Variants in PPP4R1 observed in about 807,000 individuals in gnomAD.
The protein encoded by PPP4R1 is serine/threonine-protein phosphatase 4 regulatory subunit 1.
In PPP4R1, 42 loss-of-function variants were observed where a neutral mutation model predicts 111.2. The ratio of observed to expected loss-of-function variants is 0.38; its 90% CI spans 0.29 to 0.49. The LOEUF (loss-of-function observed/expected upper bound fraction) is 0.49, where lower values mean the gene tolerates loss of function less well. Among genes scored for constraint, PPP4R1 ranks in the 20% least tolerant of loss-of-function variants. PPP4R1 has a pLI of 0.97. For synonymous variants in PPP4R1, 409 were observed against 405.5 expected (o/e 1.01, Z -0.10); for missense variants, 1,012 against 1,161.6 (o/e 0.87, Z 1.87).
chr18:9,558,699 G>GCTT (rs10686779), intron 14 of PPP4R1, among the ~76,000 whole-genome samples: 68,922 of 147,816 alleles, frequency 0.47, 16,317 homozygotes, highest in East Asian at 0.56. Flanking sequence ...TAATCAGACT[G>GCTT]TTTTTTTTTT....
chr18:9,610,084 G>C (rs2067551704), intron 2 of PPP4R1, among the ~76,000 whole-genome samples: 1 of 152,184 alleles, frequency 6.6e-6, no homozygotes, highest in African/African-American at 2.4e-5. Flanking sequence ...AAAAGCTTAA[G>C]TTCTAATGAA....
intron 12 of PPP4R1, 60 bp from the exon 13 acceptor site, chr18:9,562,135 A>G (rs1435091113): frequency 2.3e-6 from 3 of 1,298,098 alleles, no homozygotes; most frequent in African/African-American, 1.5e-5. Context: ...CATTTAAGCT[A>G]TCTTACTAAG....
rs565004444 is a variant in PPP4R1, at chr18:9,588,145, G to C, written c.529C>G (p.Leu177Val). The C allele has an allele frequency of 6.8e-6, 11 of 1,614,132 alleles. No individual in the cohort carries two copies. In the South Asian group the frequency reaches 1.1e-4, roughly 16 times the overall value. Residue 177 changes from leucine (L) to valine (V), a missense_variant, in exon 6 of 20, where the codon CTC (leucine) becomes GTC (valine). By Grantham distance (32) the Leu-to-Val change is conservative (BLOSUM62 1). Around this residue, in one of 2 missense-constraint regions of PPP4R1, gnomAD observed 707 missense variants for 742.1 expected, o/e 0.95. Coordinates refer to ENST00000400556, the MANE Select transcript of PPP4R1 (RefSeq NM_001042388.3). ...CTATCTGGGGCTGTCAGCTCTATGA[G>C]GACAGGGCACACTTTGGTCTCCACA... The part of the protein sequence containing the change: ...FDVETKVCPV[L>V]IELTAPDSND...
Position 9,583,292 on chromosome 18 carries a change from G to C in PPP4R1, c.760-17C>G. The C allele has an allele frequency of 1.3e-6, 2 of 1,528,770 alleles. No individual in the cohort carries two copies. Among genetic ancestry groups the C allele is most frequent in the Non-Finnish European group, 1.8e-6 (2 of 1,126,468 alleles). 94.7% of individuals were successfully genotyped at this position (1,528,770 alleles called of 1,614,324 possible). On this transcript the variant is annotated splice_polypyrimidine_tract_variant and intron_variant, in intron 8 of 19. Coordinates refer to ENST00000400556, the MANE Select transcript of PPP4R1 (RefSeq NM_001042388.3). ...TCTGGGCAGCTATGTGAAAAGGAAA[G>C]AGTCTTGTTAGTTGGATAAAGATAG...
At position 9,557,338 on chromosome 18, in the gene PPP4R1, T is replaced by A; in HGVS notation, c.2073A>T (p.Ala691=). 1 of 1,608,890 alleles carries A rather than the reference T, an allele frequency of 6.2e-7. No individual in the cohort carries two copies. Among genetic ancestry groups the A allele is most frequent in the Non-Finnish European group, 8.5e-7 (1 of 1,178,758 alleles). The change falls in exon 15 of 20, where the codon GCA becomes GCT. Residue 691 remains alanine (A), a synonymous_variant. Coordinates refer to ENST00000400556, the MANE Select transcript of PPP4R1 (RefSeq NM_001042388.3). Reference sequence around the variant, plus strand: ...CTGTCAATTGATCTCCAAGAATAACTGCAAGCTCGTGGATGGAGAATGCTA... The same window carrying A: ...CTGTCAATTGATCTCCAAGAATAACAGCAAGCTCGTGGATGGAGAATGCTA... ...RTLAFSIHEL[A]VILGDQLTAA... is the part of the protein sequence containing the mutation.
At chr18:9,572,131 A>G (rs1440658655) in intron 10 of PPP4R1, among the ~76,000 whole-genome samples, 1 of 152,210 alleles carries the variant, frequency 6.6e-6, no homozygotes, top group Non-Finnish European at 1.5e-5. Flanking sequence ...GTTCAGGTTG[A>G]AAGAGGTTGA....
At chr18:9,602,245 G>C (rs2067395981) in intron 2 of PPP4R1, among the ~76,000 whole-genome samples, 1 of 151,660 alleles carries the variant, frequency 6.6e-6, no homozygotes, top group African/African-American at 2.4e-5. Flanking sequence ...TAGTTTAAAA[G>C]TTGTGGCCAG....
Position 9,553,364 on chromosome 18 carries a change from G to A in PPP4R1, c.2249C>T (p.Thr750Ile), listed in dbSNP as rs1304269498. The change falls in exon 16 of 20, where the codon ACA (threonine) becomes ATA (isoleucine). Residue 750 changes from threonine (T) to isoleucine (I), a missense_variant. Transcript: ENST00000400556. Reference sequence around the variant, plus strand: ...AAACCGCCAATTTCTACTATTATCTGTCACCAAAAACTCCTGAAGTTGATA... The same window carrying A: ...AAACCGCCAATTTCTACTATTATCTATCACCAAAAACTCCTGAAGTTGATA... ...YLYQLQEFLV[T>I]DNSRNWRFRA... The A allele has an allele frequency of 1.2e-6, 2 of 1,603,088 alleles. No individual in the cohort carries two copies. The highest frequency in any genetic ancestry group is 1.7e-5 in the Admixed American group (1 of 59,966).
chr18:9,571,375 T>C (rs1036837693), intron 10 of PPP4R1, among the ~76,000 whole-genome samples: 1 of 152,242 alleles, frequency 6.6e-6, no homozygotes, highest in African/African-American at 2.4e-5. Flanking sequence ...TTATCTGAAG[T>C]ACGACTGTAA....
At chr18:9,568,432 G>C (rs562715850) in intron 11 of PPP4R1, among the ~76,000 whole-genome samples, 4 of 152,258 alleles carry the variant, frequency 2.6e-5, no homozygotes, top group Admixed American at 6.5e-5. Context: ...GCTGTTATTT[G>C]TATTGAAGTC....
At chr18:9,549,763 G>A in intron 18 of PPP4R1, 4 of 539,818 alleles carry the variant, frequency 7.4e-6, no homozygotes, top group Non-Finnish European at 3.3e-6. Flanking sequence ...GTCTGAATGT[G>A]TGCAGAGCAG....
intron 11 of PPP4R1, 66 bp downstream of exon 11, chr18:9,570,091 T>C: frequency 6.9e-7 from 1 of 1,457,904 alleles, no homozygotes; most frequent in South Asian, 1.5e-5. Context: ...GAAATGAAAT[T>C]TTTTTAAGAT....
At chr18:9,547,986 C>T in intron 19 of PPP4R1, 34 bp from the exon 20 acceptor site, 1 of 1,605,850 alleles carries the variant, frequency 6.2e-7, no homozygotes, top group Non-Finnish European at 8.5e-7. Flanking sequence ...CAGATGAAAC[C>T]AGTCCAACGG....
rs532144007 is a variant in PPP4R1, at chr18:9,588,020, GC to G, written c.585+68del. On this transcript the variant is annotated intron_variant, in intron 6 of 19. Transcript: ENST00000400556. ...GCATGAGCCACCGTGCCTAACCCCG[GC>G]CTGACTTTTAATAAGCACCTCTTAT... 1.4e-3 allele frequency: 2,165 copies of G among 1,580,062 alleles called. 9 individuals are homozygous for G. Among genetic ancestry groups the G allele is most frequent in the Non-Finnish European group, 1.5e-3 (1,772 of 1,158,122 alleles).
chr18:9,598,995 C>A (rs2067336100), intron 2 of PPP4R1, among the ~76,000 whole-genome samples: 1 of 151,458 alleles, frequency 6.6e-6, no homozygotes, highest in South Asian at 2.1e-4. Flanking sequence ...CACTGCACCC[C>A]AGTCTGGAAG....
chr18:9,563,317 C>T, intron 12 of PPP4R1, 61 bp downstream of exon 12: 1 of 1,469,632 alleles, frequency 6.8e-7, no homozygotes, highest in Non-Finnish European at 9.2e-7. Flanking sequence ...AACTATTCCC[C>T]AATGAAAGAC....
At chr18:9,576,324 T>C (rs1428000858) in intron 10 of PPP4R1, among the ~76,000 whole-genome samples, 1 of 152,216 alleles carries the variant, frequency 6.6e-6, no homozygotes, top group Non-Finnish European at 1.5e-5. Context: ...TTCAAGTGCA[T>C]AACTGTAAAA....
chr18:9,578,737 A>G (rs1189604755), intron 9 of PPP4R1, among the ~76,000 whole-genome samples: 4 of 152,192 alleles, frequency 2.6e-5, no homozygotes, highest in African/African-American at 9.7e-5. Context: ...AATTATATGC[A>G]TGAGAGGGAA....
chr18:9,580,338 AG>A, intron 9 of PPP4R1, among the ~76,000 whole-genome samples: 1 of 143,844 alleles, frequency 7.0e-6, no homozygotes, highest in Non-Finnish European at 1.5e-5. Context: ...ATCATAAAAA[AG>A]CTGAGAGTCT....
Sources: allele counts gnomAD v4.1 joint callset (sites outside exome capture counted in the v4.1 genomes callset), GRCh38; gene constraint gnomAD v4.1.1; regional missense constraint gnomAD v4.1.1; transcripts MANE v1.5; gene names NCBI Gene and HGNC (gene_info 2026-07-23, HGNC 2026-07-21).